RIN2: variants seen among roughly 807,000 people sequenced by gnomAD.
RIN2 encodes RAB5 interacting protein 2.
RIN2 carries 36 observed loss-of-function variants against 78.0 expected under a neutral mutation model. That is an observed-to-expected ratio of 0.46 (90% CI 0.35 to 0.61). The LOEUF (loss-of-function observed/expected upper bound fraction) is 0.61. Ranked by LOEUF, RIN2 falls within the 20% of genes least tolerant of loss-of-function variation. The pLI is 0.00. For synonymous variants in RIN2, 466 were observed against 466.8 expected (o/e 1.00, Z 0.02); for missense variants, 1,087 against 1,159.7 (o/e 0.94, Z 0.91).
chr20:19,864,157 A>G (rs1460593095), intron 2 of RIN2, among the ~76,000 whole-genome samples: 1 of 152,146 alleles, frequency 6.6e-6, no homozygotes, highest in Non-Finnish European at 1.5e-5. Context: ...CTGGGAAACA[A>G]TAGTTTGCAA....
intron 3 of RIN2, among the ~76,000 whole-genome samples, chr20:19,892,614 C>A (rs532506290): frequency 2.0e-5 from 3 of 152,272 alleles, no homozygotes; most frequent in East Asian, 1.9e-4. Flanking sequence ...CAGGCTCAAG[C>A]AATCCTCCCA....
At chr20:19,776,313 A>G (rs1475870517) in intron 1 of RIN2, among the ~76,000 whole-genome samples, 1 of 152,140 alleles carries the variant, frequency 6.6e-6, no homozygotes, top group Non-Finnish European at 1.5e-5. Flanking sequence ...AACATTTACC[A>G]TCTCTTCTCT....
Position 19,956,712 on chromosome 20 carries a change from A to T in RIN2, c.256A>T (p.Ile86Phe), listed in dbSNP as rs1440715788. 6.2e-7 allele frequency: 1 copy of T among 1,611,844 alleles called. No individual in the cohort carries two copies. Among genetic ancestry groups the T allele is most frequent in the Non-Finnish European group, 8.5e-7 (1 of 1,179,100 alleles). The change falls in exon 5 of 13, where the codon ATC becomes TTC. Residue 86 changes from isoleucine to phenylalanine, a missense_variant. Around this residue, in one of 8 missense-constraint regions of RIN2, gnomAD observed 706 missense variants for 667.5 expected, o/e 1.06. Coordinates refer to ENST00000255006, the MANE Select transcript of RIN2 (RefSeq NM_018993.4). ...TGACAGCCTCTCCAACAGGCTCAGC[A>T]TCTTGGACCGGCTCCTCCACACCCA... ...GYDSLSNRLS[I>F]LDRLLHTHPI...
At position 19,975,432 on chromosome 20, in the gene RIN2, C is replaced by A; in HGVS notation, c.1407C>A (p.Asp469Glu). The change falls in exon 9 of 13, where the codon GAC becomes GAA. Residue 469 changes from aspartate to glutamate, a missense_variant. Coordinates refer to ENST00000255006, the MANE Select transcript of RIN2 (RefSeq NM_018993.4). The surrounding 1 kb of genome is among the most constrained non-coding windows in gnomAD (Gnocchi z 4.9). Reference protein sequence around the residue: ...SSLEDYEGESDQETMAPPIKS... With the variant: ...SSLEDYEGESEQETMAPPIKS... ...TGGAGGACTACGAGGGGGAAAGTGA[C>A]CAAGAGACCATGGCGCCCCCCATCA... 6.2e-7 allele frequency: 1 copy of A among 1,614,060 alleles called. No individual in the cohort carries two copies. Among genetic ancestry groups the A allele is most frequent in the Non-Finnish European group, 8.5e-7 (1 of 1,179,900 alleles).
At chr20:19,808,177 A>T (rs1390783438) in intron 2 of RIN2, among the ~76,000 whole-genome samples, 1 of 152,244 alleles carries the variant, frequency 6.6e-6, no homozygotes, top group African/African-American at 2.4e-5. Flanking sequence ...GAATGAAATC[A>T]TATGCCTTAT....
At chr20:19,819,735 T>C (rs571876619) in intron 2 of RIN2, among the ~76,000 whole-genome samples, 106 of 152,278 alleles carry the variant, frequency 7.0e-4, no homozygotes, top group African/African-American at 2.5e-3. Flanking sequence ...GGTCTCACTA[T>C]GTTGCCTGGA....
chr20:19,817,041 CATTT>C (rs1267704860), intron 2 of RIN2, among the ~76,000 whole-genome samples: 2 of 152,066 alleles, frequency 1.3e-5, no homozygotes, highest in Admixed American at 1.3e-4. Flanking sequence ...GAAGTGTGTA[CATTT>C]GCTAGAGCTG....
chr20:19,983,706 G>T (rs1010248983), intron 9 of RIN2, among the ~76,000 whole-genome samples: 1 of 152,120 alleles, frequency 6.6e-6, no homozygotes, highest in Non-Finnish European at 1.5e-5. Context: ...TAGGAAGTAC[G>T]CATGCAGAAT....
intron 2 of RIN2, among the ~76,000 whole-genome samples, chr20:19,837,905 A>G (rs57248647): frequency 3.3e-5 from 5 of 152,140 alleles, no homozygotes; most frequent in African/African-American, 1.2e-4. Flanking sequence ...AGACAGACAT[A>G]CGCCTATATT....
chr20:19,784,919 G>A (rs1338125423), intron 1 of RIN2, among the ~76,000 whole-genome samples: 1 of 152,190 alleles, frequency 6.6e-6, no homozygotes, highest in East Asian at 1.9e-4. Flanking sequence ...GAAGGGCACT[G>A]CCCCTTGGAG....
At chr20:19,998,065 A>G (rs2043026897) in intron 12 of RIN2, among the ~76,000 whole-genome samples, 1 of 148,904 alleles carries the variant, frequency 6.7e-6, no homozygotes, top group Non-Finnish European at 1.5e-5. Context: ...TGCAACCTCC[A>G]CCTCCCAGGT....
intron 2 of RIN2, among the ~76,000 whole-genome samples, chr20:19,861,793 C>A (rs2037349866): frequency 6.6e-6 from 1 of 151,828 alleles, no homozygotes; most frequent in African/African-American, 2.4e-5. Context: ...ATCTGATGAT[C>A]ACCCTCCATA....
chr20:19,906,820 G>A (rs556719451), intron 3 of RIN2, among the ~76,000 whole-genome samples: 1 of 152,324 alleles, frequency 6.6e-6, no homozygotes, highest in South Asian at 2.1e-4. Context: ...GAAGCAAACT[G>A]GGCAGAGCAT....
rs1383461110 is a variant in RIN2 at position 20,000,962 on chromosome 20, G to A, written c.*26G>A. 3.1e-5 allele frequency: 48 copies of A among 1,568,408 alleles called. No homozygotes were observed. The highest frequency in any genetic ancestry group is 3.8e-5 in the Non-Finnish European group (44 of 1,154,728). On this transcript the variant is annotated 3_prime_UTR_variant, in exon 13 of 13. Transcript: ENST00000255006. ...AAGACAGGCGGGACTTCCCAGTGGT[G>A]CATCCAAAGGGGAGCTGGAAGCCTT...
Position 19,974,770 on chromosome 20 carries a change from G to A in RIN2, c.745G>A (p.Val249Met), listed in dbSNP as rs779304878. 6.2e-7 allele frequency: 1 copy of A among 1,614,000 alleles called. No homozygotes were observed. The highest frequency in any genetic ancestry group is 2.2e-5 in the East Asian group (1 of 44,868). The change falls in exon 9 of 13, where the codon GTG (valine) becomes ATG (methionine). Residue 249 changes from valine to methionine, a missense_variant. Val to Met is a conservative substitution (Grantham distance 21). Transcript: ENST00000255006. ...GCGTCAGCTCTGCCTTATAAATGGA[G>A]TGCATTCTATCAAAACCAGGACGCC... ...SLRQLCLINGVHSIKTRTPSE... is the reference protein window; with the variant it reads ...SLRQLCLINGMHSIKTRTPSE...
chr20:19,972,478 T>C (rs1016975035), intron 8 of RIN2, among the ~76,000 whole-genome samples: 2 of 152,182 alleles, frequency 1.3e-5, no homozygotes. Context: ...CTAATTAACA[T>C]ATATTCGACT....
At chr20:19,769,189 C>T (rs1465581764) in intron 1 of RIN2, among the ~76,000 whole-genome samples, 1 of 152,190 alleles carries the variant, frequency 6.6e-6, no homozygotes, top group Non-Finnish European at 1.5e-5. Flanking sequence ...CGCGCCTTGG[C>T]CTCCCAAAGT....
chr20:19,813,682 A>T (rs1474386657), intron 2 of RIN2, among the ~76,000 whole-genome samples: 1 of 152,226 alleles, frequency 6.6e-6, no homozygotes, highest in Non-Finnish European at 1.5e-5. Flanking sequence ...AGCTTTTAAA[A>T]TTTATGTCTT....
intron 2 of RIN2, chr20:19,823,496 C>A: frequency 2.2e-6 from 2 of 895,756 alleles, no homozygotes; most frequent in Admixed American, 1.7e-5. Context: ...TCTATGATGT[C>A]ATGAGGGTGG....
Sources: allele counts gnomAD v4.1 joint callset (sites outside exome capture counted in the v4.1 genomes callset), GRCh38; gene constraint gnomAD v4.1.1; regional missense constraint gnomAD v4.1.1; non-coding constraint Gnocchi (gnomAD v3.1); transcripts MANE v1.5; gene names NCBI Gene and HGNC (gene_info 2026-07-23, HGNC 2026-07-21).